The following SLC12A6 variants were observed in gnomAD, a reference collection of about 807,000 sequenced individuals.
SLC12A6 encodes K-Cl cotransporter 3.
In SLC12A6, 66 loss-of-function variants were observed where a neutral mutation model predicts 135.3. That is an observed-to-expected ratio of 0.49 (90% CI 0.40 to 0.60). The LOEUF (loss-of-function observed/expected upper bound fraction) is 0.60, where lower values mean the gene tolerates loss of function less well. SLC12A6 is among the 20% of genes least tolerant of loss of function. The pLI, the probability that SLC12A6 is intolerant of heterozygous loss-of-function variation, is 0.00. For synonymous variants in SLC12A6, 513 were observed against 508.8 expected (o/e 1.01, Z -0.11); for missense variants, 1,058 against 1,452.3 (o/e 0.73, Z 4.41).
intron 18 of SLC12A6, 28 bp downstream of exon 18, chr15:34,241,205 C>A: frequency 8.8e-7 from 1 of 1,136,038 alleles, no homozygotes; most frequent in Non-Finnish European, 1.3e-6. Context: ...AACCATGTGC[C>A]AAATACTGCT....
intron 13 of SLC12A6, among the ~76,000 whole-genome samples, 158 bp downstream of exon 13, chr15:34,250,140 T>C (rs1166060407): frequency 2.0e-5 from 3 of 152,132 alleles, no homozygotes; most frequent in Non-Finnish European, 2.9e-5. Context: ...CCTGAGCTCA[T>C]GCAATCCACC....
In SLC12A6 at chr15:34,250,672, G is replaced by T; in HGVS notation, c.1550C>A (p.Pro517Gln). Residue 517 changes from proline (P) to glutamine (Q), a missense_variant, in exon 12 of 26, where the codon CCG becomes CAG. Coordinates refer to ENST00000354181, the MANE Select transcript of SLC12A6 (RefSeq NM_001365088.1). ...CAGGATGGCAAGGATAGTACCAATC[G>T]GAATAGACTTCTGAGCATCTTTCAG... ...GDLKDAQKSI[P>Q]IGTILAILTT... 6.2e-7 allele frequency: 1 copy of T among 1,605,046 alleles called. No homozygotes were observed. The highest frequency in any genetic ancestry group is 8.5e-7 in the Non-Finnish European group (1 of 1,171,772).
intron 2 of SLC12A6, among the ~76,000 whole-genome samples, chr15:34,297,289 C>T (rs760569067): frequency 6.6e-6 from 1 of 151,958 alleles, no homozygotes; most frequent in Admixed American, 6.6e-5. Flanking sequence ...TTAGTGACAA[C>T]GTTCCTTTTT....
Position 34,278,220 on chromosome 15 carries a change from A to C in SLC12A6, c.272-2831T>G, listed in dbSNP as rs548534309. Among the ~76,000 whole-genome samples, 347 of 152,208 alleles carry C rather than the reference A, an allele frequency of 2.3e-3. 1 individual carries two copies. The highest frequency in any genetic ancestry group is 7.9e-3 in the African/African-American group (329 of 41,524). ...GGCGGGTGGATCACCTGAGGTCAGG[A>C]GTTCGAGACCAGCCTGACCAACATA... is the stretch of plus-strand genomic sequence containing the variant. On this transcript the variant is annotated intron_variant, in intron 2 of 25. Coordinates refer to ENST00000354181, the MANE Select transcript of SLC12A6 (RefSeq NM_001365088.1).
intron 2 of SLC12A6, among the ~76,000 whole-genome samples, chr15:34,297,158 C>T (rs770918542): frequency 3.9e-5 from 6 of 152,168 alleles, no homozygotes; most frequent in Middle Eastern, 3.2e-3. Flanking sequence ...TGTTGCTAAT[C>T]TCTTTTTTAA....
At chr15:34,317,880 A>C (rs1888763104) in intron 2 of SLC12A6, among the ~76,000 whole-genome samples, 1 of 152,230 alleles carries the variant, frequency 6.6e-6, no homozygotes, top group Admixed American at 6.5e-5. Flanking sequence ...TTAAAAATTC[A>C]AAACCACAAT....
At chr15:34,257,445 A>G in intron 6 of SLC12A6, 197 bp downstream of exon 6, 2 of 576,000 alleles carry the variant, frequency 3.5e-6, no homozygotes, top group Non-Finnish European at 6.2e-6. Flanking sequence ...TACATCATAT[A>G]ATAGATAGCA....
At chr15:34,326,143 A>G (rs1202739044) in intron 2 of SLC12A6, among the ~76,000 whole-genome samples, 3 of 152,316 alleles carry the variant, frequency 2.0e-5, no homozygotes, top group South Asian at 4.1e-4. Flanking sequence ...CTCTTTCAGC[A>G]TATCACAACT....
At chr15:34,328,541 C>T (rs191903157) in intron 2 of SLC12A6, among the ~76,000 whole-genome samples, 1 of 152,278 alleles carries the variant, frequency 6.6e-6, no homozygotes, top group African/African-American at 2.4e-5. Flanking sequence ...GTATGTTCTG[C>T]AGTTTTGTGC....
chr15:34,274,035 C>G (rs914878239), intron 3 of SLC12A6, among the ~76,000 whole-genome samples: 19 of 152,146 alleles, frequency 1.2e-4, no homozygotes, highest in African/African-American at 4.1e-4. Context: ...ACTGATATAT[C>G]TATCTTATAT....
At chr15:34,237,584 A>G (rs1284329234) in intron 21 of SLC12A6, 34 bp from the exon 22 acceptor site, 1 of 1,594,620 alleles carries the variant, frequency 6.3e-7, no homozygotes, top group South Asian at 1.1e-5. Flanking sequence ...GAAAAATTAG[A>G]GCAAGGAGGC....
chr15:34,286,956 C>G (rs1426478261), intron 2 of SLC12A6, among the ~76,000 whole-genome samples: 1 of 151,856 alleles, frequency 6.6e-6, no homozygotes, highest in Non-Finnish European at 1.5e-5. Context: ...TTGAAAAAAG[C>G]CAATGAGGAA....
intron 10 of SLC12A6, among the ~76,000 whole-genome samples, chr15:34,251,313 T>C (rs925552243): frequency 6.6e-6 from 1 of 152,104 alleles, no homozygotes; most frequent in African/African-American, 2.4e-5. Flanking sequence ...AGTGGCACAA[T>C]CTTGGCTCAC....
At chr15:34,324,183 C>A (rs1482144402) in intron 2 of SLC12A6, among the ~76,000 whole-genome samples, 4 of 151,972 alleles carry the variant, frequency 2.6e-5, no homozygotes, top group African/African-American at 9.7e-5. Flanking sequence ...CAGGAAACAG[C>A]CCAGATATCC....
At chr15:34,286,918 G>A (rs964122789) in intron 2 of SLC12A6, among the ~76,000 whole-genome samples, 11 of 152,112 alleles carry the variant, frequency 7.2e-5, no homozygotes, top group African/African-American at 2.4e-4. Flanking sequence ...ACCTAGTGCA[G>A]CTACAGAAAT....
At chr15:34,310,300 A>AGT (rs58503652) in intron 2 of SLC12A6, among the ~76,000 whole-genome samples, 623 of 43,744 alleles carry the variant, frequency 0.014, 31 homozygotes, top group Admixed American at 0.06. Flanking sequence ...CCTGGGCTCA[A>AGT]GTGTGTGTGT....
At chr15:34,307,052 T>TG (rs778373481) in intron 2 of SLC12A6, among the ~76,000 whole-genome samples, 2 of 152,184 alleles carry the variant, frequency 1.3e-5, no homozygotes, top group Non-Finnish European at 2.9e-5. Context: ...AAGAAACTTC[T>TG]GGGGGTGACG....
At chr15:34,290,568 A>G (rs572546386) in intron 2 of SLC12A6, among the ~76,000 whole-genome samples, 12 of 152,286 alleles carry the variant, frequency 7.9e-5, no homozygotes, top group African/African-American at 2.6e-4. Flanking sequence ...TAATATTGAC[A>G]GTGGGCTGTT....
intron 2 of SLC12A6, among the ~76,000 whole-genome samples, chr15:34,288,762 C>A (rs989285108): frequency 2.6e-5 from 4 of 152,168 alleles, no homozygotes; most frequent in African/African-American, 7.2e-5. Flanking sequence ...AATGGGAGTT[C>A]ACTCATGATT....
Sources: gnomAD v4.1 joint callset for allele counts (sites outside exome capture counted in the v4.1 genomes callset) on GRCh38, gnomAD v4.1.1 for gene constraint, MANE v1.5 for transcripts, NCBI Gene and HGNC (gene_info 2026-07-23, HGNC 2026-07-21) for gene names.